CLEC16A: variants seen among roughly 807,000 people sequenced by gnomAD.
CLEC16A encodes C-type lectin domain containing 16A, also known as protein CLEC16A.
Under a neutral mutation model 109.5 loss-of-function variants are expected in CLEC16A, and 51 were observed. The ratio of observed to expected loss-of-function variants is 0.47; its 90% CI spans 0.37 to 0.59. The LOEUF (loss-of-function observed/expected upper bound fraction) is 0.59. CLEC16A is among the 20% of genes least tolerant of loss of function. The probability of loss-of-function intolerance (pLI) is 0.00; values close to 1 mark genes in which losing one functional copy is unlikely to be tolerated. For synonymous variants in CLEC16A, 673 were observed against 564.2 expected (o/e 1.19, Z -2.73); for missense variants, 1,339 against 1,394.0 (o/e 0.96, Z 0.63).
intron 10 of CLEC16A, among the ~76,000 whole-genome samples, chr16:11,001,429 T>A (rs1190026541): frequency 1.3e-5 from 2 of 152,224 alleles, no homozygotes; most frequent in Non-Finnish European, 2.9e-5. Flanking sequence ...TTTTAGCTCC[T>A]GGTGAAACAC....
At position 11,019,174 on chromosome 16, in the gene CLEC16A, T is replaced by G; in HGVS notation, c.1304-1019T>G. Among the ~76,000 whole-genome samples the G allele has an allele frequency of 1.3e-5, 2 of 152,164 alleles. 1 individual carries two copies. The highest frequency in any genetic ancestry group is 2.9e-5 in the Non-Finnish European group (2 of 68,030). ...TCTCCCGAAGGTGGGGAAAAAGATG[T>G]GAACTCTGAGTTCCAAAGGCTGACT... On this transcript the variant is annotated intron_variant, in intron 11 of 23. Transcript: ENST00000409790.
intron 20 of CLEC16A, among the ~76,000 whole-genome samples, chr16:11,122,796 T>C (rs990568490): frequency 6.6e-6 from 1 of 152,134 alleles, no homozygotes; most frequent in African/African-American, 2.4e-5. Context: ...GGTTTTAGAC[T>C]GGTTTGTCTT....
chr16:11,006,884 A>T (rs1597012669), intron 11 of CLEC16A, among the ~76,000 whole-genome samples: 2 of 80,172 alleles, frequency 2.5e-5, no homozygotes, highest in Non-Finnish European at 5.8e-5. Context: ...TGGGTGACTC[A>T]TTCTGCAACC....
chr16:11,096,386 C>T (rs1486759227), intron 19 of CLEC16A, among the ~76,000 whole-genome samples: 2 of 152,102 alleles, frequency 1.3e-5, no homozygotes, highest in Admixed American at 1.3e-4. Flanking sequence ...GTCCACCCTC[C>T]TCATCCCACT....
intron 19 of CLEC16A, among the ~76,000 whole-genome samples, chr16:11,091,439 C>G (rs760888768): frequency 2.0e-5 from 3 of 152,156 alleles, no homozygotes; most frequent in East Asian, 1.9e-4. Flanking sequence ...TGATTCACCT[C>G]GTAGGGCGGG....
intron 12 of CLEC16A, among the ~76,000 whole-genome samples, chr16:11,022,124 C>T (rs539107168): frequency 6.6e-6 from 1 of 152,072 alleles, no homozygotes; most frequent in African/African-American, 2.4e-5. Flanking sequence ...ATTCAGTTGC[C>T]TTGAGTTAGG....
intron 9 of CLEC16A, among the ~76,000 whole-genome samples, chr16:10,980,363 T>C (rs892916768): frequency 2.0e-5 from 3 of 152,052 alleles, no homozygotes; most frequent in African/African-American, 7.2e-5. Flanking sequence ...GCGCTGAGCA[T>C]AAACCCCAGC....
chr16:11,100,924 T>C (rs571086560), intron 19 of CLEC16A, among the ~76,000 whole-genome samples: 1 of 152,314 alleles, frequency 6.6e-6, no homozygotes, highest in African/African-American at 2.4e-5. Context: ...CAGATTTCTT[T>C]CAGTTACTGC....
At chr16:11,011,422 T>G (rs1243046040) in intron 11 of CLEC16A, among the ~76,000 whole-genome samples, 1 of 152,210 alleles carries the variant, frequency 6.6e-6, no homozygotes, top group Non-Finnish European at 1.5e-5. Context: ...ATTATTTTGG[T>G]GCTTAAATTG....
intron 10 of CLEC16A, among the ~76,000 whole-genome samples, chr16:11,001,044 A>AT (rs2044638871): frequency 6.6e-6 from 1 of 152,042 alleles, no homozygotes; most frequent in Non-Finnish European, 1.5e-5. Context: ...AAACAAATCA[A>AT]TTTTCTTCTG....
intron 13 of CLEC16A, among the ~76,000 whole-genome samples, chr16:11,025,246 C>T (rs1390526619): frequency 1.3e-5 from 2 of 152,198 alleles, no homozygotes; most frequent in African/African-American, 4.8e-5. Flanking sequence ...CGTCTGACCT[C>T]TTTCCTAACA....
chr16:11,094,166 AGGGCCCCTTCCCAGCCTGT>A (rs2050472267), intron 19 of CLEC16A, among the ~76,000 whole-genome samples: 1 of 152,188 alleles, frequency 6.6e-6, no homozygotes, highest in African/African-American at 2.4e-5. Flanking sequence ...TCTTTTGTAC[AGGGCCCCTTCCCAGCCTGT>A]GGCTGTCCTA....
chr16:10,993,208 T>C (rs1278544636), intron 10 of CLEC16A, among the ~76,000 whole-genome samples: 1 of 151,950 alleles, frequency 6.6e-6, no homozygotes, highest in Non-Finnish European at 1.5e-5. Flanking sequence ...TAAGACCCTG[T>C]CTCTTCAAAA....
chr16:11,152,066 T>G (rs1429952907), intron 22 of CLEC16A, among the ~76,000 whole-genome samples: 1 of 152,068 alleles, frequency 6.6e-6, no homozygotes, highest in East Asian at 1.9e-4. Context: ...GGAACCAGCA[T>G]TGAACAGCAG....
chr16:11,096,025 C>G (rs1567311687), intron 19 of CLEC16A, among the ~76,000 whole-genome samples: 1 of 151,986 alleles, frequency 6.6e-6, no homozygotes, highest in Non-Finnish European at 1.5e-5. Flanking sequence ...GTGCAAATAC[C>G]TTGTCTTTGT....
intron 19 of CLEC16A, chr16:11,071,012 CT>C (rs2049042620): frequency 6.6e-6 from 1 of 152,228 alleles, no homozygotes; most frequent in Admixed American, 6.5e-5. Context: ...TCCTAGCATT[CT>C]GCGTGCTTCG....
intron 1 of CLEC16A, among the ~76,000 whole-genome samples, chr16:10,950,755 C>T (rs993732702): frequency 6.6e-6 from 1 of 152,232 alleles, no homozygotes; most frequent in Non-Finnish European, 1.5e-5. Context: ...CAGACAGATA[C>T]AGGCTCTGTG....
In CLEC16A at chr16:11,178,880, C is replaced by T. The variant is rs1567427325; in HGVS notation, c.*190C>T. 1 of 546,814 alleles carries T rather than the reference C, an allele frequency of 1.8e-6. No homozygotes were observed. Among genetic ancestry groups the T allele is most frequent in the Non-Finnish European group, 3.2e-6 (1 of 313,482 alleles). 33.9% of individuals were successfully genotyped at this position (546,814 alleles called of 1,614,324 possible). A position where few individuals can be genotyped will look rare whatever the true frequency, so the allele number is the denominator to read the frequency against. Reference sequence around the variant, plus strand: ...GTCCTTGAATTCCTTTTTCACTTTGCATCTCTTCACGTGCAGGCTGGGACC... The same window carrying T: ...GTCCTTGAATTCCTTTTTCACTTTGTATCTCTTCACGTGCAGGCTGGGACC... On this transcript the variant is annotated 3_prime_UTR_variant, in exon 24 of 24. Coordinates refer to ENST00000409790, the MANE Select transcript of CLEC16A (RefSeq NM_015226.3). This position sits in a 1 kb window ranked among gnomAD's most constrained non-coding sequence, Gnocchi z 6.5.
intron 19 of CLEC16A, among the ~76,000 whole-genome samples, chr16:11,083,134 TTGTTGTTGTTGTTG>T (rs2049822048): frequency 7.6e-6 from 1 of 130,850 alleles, no homozygotes; most frequent in African/African-American, 3.3e-5. Context: ...TTTGTTTGTT[TTGTTGTTGTTGTTG>T]TTGTTTGTTT....
Sources: allele counts gnomAD v4.1 joint callset (sites outside exome capture counted in the v4.1 genomes callset), GRCh38; gene constraint gnomAD v4.1.1; non-coding constraint Gnocchi (gnomAD v3.1); transcripts MANE v1.5; gene names NCBI Gene and HGNC (gene_info 2026-07-23, HGNC 2026-07-21).